The following SEM1 variants were observed in gnomAD, a reference collection of about 807,000 sequenced individuals.
SEM1 encodes the protein 26S proteasome complex subunit SEM1.
A neutral mutation model predicts 12.7 loss-of-function variants in SEM1; 3 were observed. The ratio of observed to expected loss-of-function variants is 0.24; its 90% confidence interval spans 0.11 to 0.61. SEM1 has a LOEUF of 0.61. SEM1 is among the 20% of genes least tolerant of loss of function. SEM1 has a pLI of 0.88. For missense variants in SEM1, 59 were observed against 81.3 expected, an observed-to-expected ratio of 0.73 and a Z score of 1.06; for synonymous variants, 30 against 27.8, an observed-to-expected ratio of 1.08 and a Z score of -0.25.
chr7:96,575,890 A>G (rs1054171002), intron 2 of SEM1, among the ~76,000 whole-genome samples: 7 of 152,212 alleles, frequency 4.6e-5, no homozygotes, highest in African/African-American at 1.7e-4. Flanking sequence ...AAAGGAAATA[A>G]CCCTTTTTAC....
intron 1 of SEM1, among the ~76,000 whole-genome samples, chr7:96,487,079 A>G (rs1802800984): frequency 7.1e-6 from 1 of 140,120 alleles, no homozygotes; most frequent in Admixed American, 6.7e-5. Flanking sequence ...CCTGGTAAAA[A>G]TGACAACATG....
At chr7:96,567,487 A>C (rs2115954343) in intron 2 of SEM1, among the ~76,000 whole-genome samples, 1 of 119,458 alleles carries the variant, frequency 8.4e-6, no homozygotes, top group East Asian at 2.8e-4. Context: ...CATCTCTTCA[A>C]ACCTTTGTAT....
At chr7:96,509,087 A>G (rs899957848) in intron 2 of SEM1, among the ~76,000 whole-genome samples, 3 of 151,512 alleles carry the variant, frequency 2.0e-5, no homozygotes, top group African/African-American at 7.3e-5. Context: ...CCCAGGTTCA[A>G]GTGATTCTCG....
chr7:96,660,331 G>A (rs1390288363), intron 2 of SEM1, among the ~76,000 whole-genome samples: 2 of 152,004 alleles, frequency 1.3e-5, no homozygotes, highest in Non-Finnish European at 2.9e-5. Context: ...AGATACAAAT[G>A]GACAAATCCT....
At chr7:96,542,248 C>G (rs1311298410) in intron 2 of SEM1, among the ~76,000 whole-genome samples, 1 of 151,690 alleles carries the variant, frequency 6.6e-6, no homozygotes, top group Admixed American at 6.6e-5. Flanking sequence ...GAATATTTTT[C>G]CATTTATTTG....
In SEM1 at chr7:96,514,209, C is replaced by T. The variant is rs552713649; in HGVS notation, c.171-7511G>A. 5.9e-5 allele frequency among the ~76,000 whole-genome samples: 9 copies of T among 152,088 alleles called. No homozygotes were observed. The South Asian group carries it at 1.5e-3, about 25-fold the overall frequency. On this transcript the variant is annotated intron_variant and NMD_transcript_variant, in intron 2 of 3. Transcript: ENST00000466986. ...TGCTTAACGTCTTGAAAAAAATTGT[C>T]GAATTGTTCTTTAAAATGTTGCAGT...
At chr7:96,510,809 T>A (rs1309640680) in intron 2 of SEM1, among the ~76,000 whole-genome samples, 1 of 152,150 alleles carries the variant, frequency 6.6e-6, no homozygotes, top group Non-Finnish European at 1.5e-5. Context: ...TGCAAATAGT[T>A]TGGGCATTTC....
At chr7:96,524,669 T>A (rs1278594128) in intron 2 of SEM1, among the ~76,000 whole-genome samples, 1 of 151,962 alleles carries the variant, frequency 6.6e-6, no homozygotes. Context: ...TATTAAAAAA[T>A]TATTATTTCA....
At chr7:96,518,555 G>C (rs1420644863) in intron 2 of SEM1, among the ~76,000 whole-genome samples, 1 of 152,028 alleles carries the variant, frequency 6.6e-6, no homozygotes, top group Admixed American at 6.6e-5. Flanking sequence ...TACTGGAGTT[G>C]GGATATCACT....
intron 2 of SEM1, among the ~76,000 whole-genome samples, chr7:96,540,907 G>A (rs753911210): frequency 1.8e-4 from 27 of 151,834 alleles, no homozygotes; most frequent in Non-Finnish European, 3.5e-4. Flanking sequence ...TGCTGCAAAG[G>A]ACATGATTTC....
intron 2 of SEM1, among the ~76,000 whole-genome samples, chr7:96,659,925 A>AC (rs1788938090): frequency 6.7e-6 from 1 of 148,766 alleles, no homozygotes; most frequent in South Asian, 2.1e-4. Flanking sequence ...AAAAAAAAAA[A>AC]AAAAACAAAA....
At chr7:96,545,104 T>C (rs533261247) in intron 2 of SEM1, among the ~76,000 whole-genome samples, 1 of 152,116 alleles carries the variant, frequency 6.6e-6, no homozygotes, top group South Asian at 2.1e-4. Context: ...AACCTCTGGA[T>C]TTGAGGAGAA....
At chr7:96,701,354 T>C (rs987695165) in intron 1 of SEM1, among the ~76,000 whole-genome samples, 4 of 151,994 alleles carry the variant, frequency 2.6e-5, no homozygotes, top group African/African-American at 9.7e-5. Context: ...CATGATGGGA[T>C]TAGTGCCTTA....
intron 3 of SEM1, chr7:96,484,124 G>A (rs1802658555): frequency 2.4e-6 from 2 of 848,712 alleles, no homozygotes; most frequent in Non-Finnish European, 1.7e-6. Context: ...GAAAACTGAG[G>A]TATAACTGTT....
chr7:96,636,055 C>A (rs1808416525), intron 2 of SEM1, among the ~76,000 whole-genome samples: 1 of 151,886 alleles, frequency 6.6e-6, no homozygotes, highest in Non-Finnish European at 1.5e-5. Context: ...GAATCAATGT[C>A]TTTTTTAAGA....
At chr7:96,547,145 C>T (rs76896727) in intron 2 of SEM1, among the ~76,000 whole-genome samples, 5,095 of 152,242 alleles carry the variant, frequency 0.033, 120 homozygotes, top group Non-Finnish European at 0.053. Flanking sequence ...CCCCAAACGA[C>T]TGCAGCTTGA....
Position 96,625,399 on chromosome 7 carries a change from C to T in SEM1, c.171-2756G>A, listed in dbSNP as rs187487738. Among the ~76,000 whole-genome samples the T allele has an allele frequency of 1.7e-3, 259 of 152,274 alleles. 2 individuals are homozygous for T. Among genetic ancestry groups the T allele is most frequent in the African/African-American group, 5.8e-3 (243 of 41,544 alleles). ...ATAAATGAAAGAACTACAACAAAAA[C>T]TTAAAGATAAAGTTAACAAGAGCAA... On this transcript the variant is annotated intron_variant, in intron 2 of 2. Coordinates refer to the SEM1 transcript ENST00000417009.
downstream of SEM1, among the ~76,000 whole-genome samples, chr7:96,619,619 T>C (rs537814957): frequency 1.0e-3 from 158 of 152,118 alleles, no homozygotes; most frequent in African/African-American, 3.7e-3. Flanking sequence ...GGGCCAGTTA[T>C]GTGGGTGTGT....
intron 2 of SEM1, among the ~76,000 whole-genome samples, chr7:96,584,381 C>G (rs1181331300): frequency 6.6e-6 from 1 of 152,136 alleles, no homozygotes; most frequent in Non-Finnish European, 1.5e-5. Context: ...CCCGACCTTT[C>G]TCTCTGGCTG....
Sources: gnomAD v4.1 joint callset for allele counts (sites outside exome capture counted in the v4.1 genomes callset) on GRCh38, gnomAD v4.1.1 for gene constraint, MANE v1.5 for transcripts, NCBI Gene and HGNC (gene_info 2026-07-23, HGNC 2026-07-21) for gene names.